ACAP1: variants seen among roughly 807,000 people sequenced by gnomAD.
The protein encoded by ACAP1 is ArfGAP with coiled-coil, ankyrin repeat and PH domains 1, also known as arf-GAP with coiled-coil, ANK repeat and PH domain-containing protein 1.
ACAP1 carries 45 observed loss-of-function variants against 98.8 expected under a neutral mutation model. The observed-to-expected ratio is 0.46, with a 90% CI of 0.36 to 0.58. The LOEUF (loss-of-function observed/expected upper bound fraction) is 0.58, where lower values mean the gene tolerates loss of function less well. ACAP1 is among the 20% of genes least tolerant of loss of function. ACAP1 has a pLI of 0.00. For synonymous variants in ACAP1, 362 were observed against 375.3 expected (o/e 0.96, Z 0.41); for missense variants, 735 against 971.4 (o/e 0.76, Z 3.24).
rs969238440 is a variant in ACAP1, at chr17:7,346,799, C to T, written c.1008-9C>T. On this transcript the variant is annotated splice_polypyrimidine_tract_variant and intron_variant, in intron 12 of 21. Coordinates refer to ENST00000158762, the MANE Select transcript of ACAP1 (RefSeq NM_014716.4). ...ACCCCTCTGCCATCTCCCTCACCCT[C>T]CTACCTAGGTCCTGCCTCCTCCAGG... 1.9e-6 allele frequency: 3 copies of T among 1,610,242 alleles called. No homozygotes were observed. The highest frequency in any genetic ancestry group is 2.2e-5 in the East Asian group (1 of 44,802).
intron 14 of ACAP1, 130 bp downstream of exon 14, chr17:7,347,372 C>G (rs2073357020): frequency 3.1e-6 from 3 of 977,642 alleles, no homozygotes; most frequent in Non-Finnish European, 4.4e-6. Context: ...GGCTTTGTCA[C>G]TGGGTACCAG....
At position 7,343,936 on chromosome 17, in the gene ACAP1, C is replaced by T; in HGVS notation, c.649C>T (p.Arg217Ter). 4 of 1,598,960 alleles carry T rather than the reference C, an allele frequency of 2.5e-6. No homozygotes were observed. Among genetic ancestry groups the T allele is most frequent in the Non-Finnish European group, 2.6e-6 (3 of 1,172,428 alleles). The change falls in exon 8 of 22, where the codon CGA becomes TGA. Residue 217 changes from arginine to a stop codon, truncating the protein, a stop_gained. Transcript: ENST00000158762. LOFTEE classifies it high-confidence loss of function. The surrounding 1 kb of genome is among the most constrained non-coding windows in gnomAD (Gnocchi z 4.9). ...HEELSRLSQY[R>*]KELGAQLHQL... ...GGAGCTGAGCCGGCTGTCCCAGTATCGAAAGGAGCTGGGCGCCCAGGTGGG... is the reference window on the plus strand; with the variant it reads ...GGAGCTGAGCCGGCTGTCCCAGTATTGAAAGGAGCTGGGCGCCCAGGTGGG...
chr17:7,342,562 T>C (rs1232668805), intron 5 of ACAP1, 88 bp downstream of exon 5: 1 of 1,430,740 alleles, frequency 7.0e-7, no homozygotes, highest in Non-Finnish European at 9.8e-7. Flanking sequence ...GCCCAGGAGT[T>C]GGACACCAAC....
At chr17:7,339,043 C>A (rs1021549787) in intron 2 of ACAP1, among the ~76,000 whole-genome samples, 5 of 151,870 alleles carry the variant, frequency 3.3e-5, no homozygotes, top group African/African-American at 4.8e-5. Flanking sequence ...GTAATCCCAG[C>A]ACTTTGGGAG....
Position 7,348,983 on chromosome 17 carries a change from TCCC to T in ACAP1, c.1679-9_1679-7del. 6.2e-7 allele frequency: 1 copy of T among 1,609,990 alleles called. No homozygotes were observed. Among genetic ancestry groups the T allele is most frequent in the South Asian group, 1.1e-5 (1 of 90,864 alleles). On this transcript the variant is annotated splice_polypyrimidine_tract_variant and intron_variant, in intron 17 of 21. Coordinates refer to ENST00000158762, the MANE Select transcript of ACAP1 (RefSeq NM_014716.4). ...GCTGCTTCCCCCTAACAGAACCAAA[TCCC>T]CCGAACAGAGCCCCCCTCTGAGGAC...
intron 1 of ACAP1, 73 bp from the exon 2 acceptor site, chr17:7,337,239 A>G: frequency 1.4e-6 from 2 of 1,448,250 alleles, no homozygotes; most frequent in Non-Finnish European, 1.9e-6. Flanking sequence ...CCGCCCTGCG[A>G]CTCCATCCCG....
At position 7,337,412 on chromosome 17, in the gene ACAP1, G is replaced by A. The variant is rs912834778; in HGVS notation, c.111+43G>A. On this transcript the variant is annotated intron_variant, in intron 2 of 21. Transcript: ENST00000158762. ...AGGTGACCCAGGAGTGGATTAGGTTGAGAGGGGTAGGGCCAGGGAGAAAGC... is the reference window on the plus strand; with the variant it reads ...AGGTGACCCAGGAGTGGATTAGGTTAAGAGGGGTAGGGCCAGGGAGAAAGC... 13 of 1,568,112 alleles carry A rather than the reference G, an allele frequency of 8.3e-6. No homozygotes were observed. In the East Asian group the frequency reaches 9.0e-5, roughly 11 times the overall value.
intron 17 of ACAP1, 110 bp downstream of exon 17, chr17:7,348,585 C>G: frequency 8.2e-7 from 1 of 1,224,324 alleles, no homozygotes; most frequent in Non-Finnish European, 1.1e-6. Context: ...TGGACAATGT[C>G]GGAGGGACCG....
intron 10 of ACAP1, among the ~76,000 whole-genome samples, chr17:7,345,114 CATT>C (rs1031376386): frequency 6.6e-6 from 1 of 151,958 alleles, no homozygotes; most frequent in Non-Finnish European, 1.5e-5. Flanking sequence ...GGGCATGAGT[CATT>C]ATAGGGCCCT....
chr17:7,343,368 C>A lies in ACAP1; in HGVS notation c.345-11C>A. ...GTTAGCTGCGATTCTGTGTTATTTT[C>A]CCATCCTCAGAGGTCTGCGGGGTTT... On this transcript the variant is annotated splice_polypyrimidine_tract_variant and intron_variant, in intron 5 of 21. Transcript: ENST00000158762. The surrounding 1 kb of genome is among the most constrained non-coding windows in gnomAD (Gnocchi z 4.9). The A allele has an allele frequency of 6.2e-7, 1 of 1,605,330 alleles. No individual in the cohort carries two copies. Among genetic ancestry groups the A allele is most frequent in the South Asian group, 1.1e-5 (1 of 90,462 alleles).
chr17:7,348,625 G>A, intron 17 of ACAP1, 150 bp downstream of exon 17: 1 of 881,650 alleles, frequency 1.1e-6, no homozygotes, highest in South Asian at 2.3e-5. Context: ...ACGGTGGAGT[G>A]TGACATTAAG....
Position 7,344,446 on chromosome 17 carries a change from A to T in ACAP1, c.745-93A>T. On this transcript the variant is annotated intron_variant, in intron 9 of 21. Transcript: ENST00000158762. The surrounding 1 kb of genome is among the most constrained non-coding windows in gnomAD (Gnocchi z 4.9). ...TTTTAAAAAGTATTTCAAAAAGCAG[A>T]AAGTAAGGGCTAGGGCTGTGGGCAG... is the stretch of plus-strand genomic sequence containing the variant. 1 of 912,780 alleles carries T rather than the reference A, an allele frequency of 1.1e-6. No homozygotes were observed. The allele number at this position is 912,780 out of a possible 1,614,324, so 56.5% of individuals were successfully genotyped here. A position where few individuals can be genotyped will look rare whatever the true frequency, so the allele number is the denominator to read the frequency against.
chr17:7,351,076 C>T, intron 21 of ACAP1, 77 bp downstream of exon 21: 1 of 1,412,188 alleles, frequency 7.1e-7, no homozygotes, highest in African/African-American at 1.4e-5. Context: ...ACCTCTCTCC[C>T]TAGTGCCCAG....
chr17:7,344,547 T>G lies in ACAP1; in HGVS notation c.753T>G (p.Gly251=). ...RHVLLKQKEL[G]GEEPEPSLRE... Reference sequence around the variant, plus strand: ...TCCTCTTGTGCCTCCAGGAGCTGGGTGGGGAGGAGCCAGAACCAAGCTTAA... The same window carrying G: ...TCCTCTTGTGCCTCCAGGAGCTGGGGGGGGAGGAGCCAGAACCAAGCTTAA... Residue 251 remains glycine, a synonymous_variant, in exon 10 of 22, where the codon GGT becomes GGG. Transcript: ENST00000158762. The surrounding 1 kb of genome is among the most constrained non-coding windows in gnomAD (Gnocchi z 4.9). The G allele has an allele frequency of 6.4e-7, 1 of 1,550,906 alleles. No homozygotes were observed. The highest frequency in any genetic ancestry group is 1.4e-5 in the African/African-American group (1 of 73,056).
At chr17:7,351,203 G>T in intron 21 of ACAP1, 92 bp from the exon 22 acceptor site, 1 of 1,219,528 alleles carries the variant, frequency 8.2e-7, no homozygotes, top group South Asian at 1.4e-5. Context: ...CCCAGGCTCG[G>T]AGCGCGAGGT....
chr17:7,349,058 A>G lies in ACAP1; in HGVS notation c.1742A>G (p.His581Arg). The change falls in exon 18 of 22, where the codon CAT (histidine) becomes CGT (arginine). Residue 581 changes from histidine (H) to arginine (R), a missense_variant. Physicochemically the swap from His to Arg is conservative, Grantham distance 29 (BLOSUM62 0). Transcript: ENST00000158762. Reference sequence around the variant, plus strand: ...GCCCTACTGTTTCGAGCGTCTGGGCATCCTCCATCTCTTCCCACCATGGCT... The same window carrying G: ...GCCCTACTGTTTCGAGCGTCTGGGCGTCCTCCATCTCTTCCCACCATGGCT... ...PGALLFRASG[H>R]PPSLPTMADA... is the part of the protein sequence containing the mutation. The G allele has an allele frequency of 1.9e-6, 3 of 1,614,008 alleles. No individual in the cohort carries two copies. The highest frequency in any genetic ancestry group is 1.7e-6 in the Non-Finnish European group (2 of 1,179,990).
Position 7,347,147 on chromosome 17 carries a change from C to T in ACAP1, c.1248C>T (p.Gly416=), listed in dbSNP as rs1301758808. The part of the protein sequence containing the change: ...HVVAQVQSVD[G]NAQCCDCREP... ...TGGCCCAGGTCCAGAGTGTGGATGG[C>T]AATGCCCAGTGCTGCGACTGCCGGG... is the stretch of plus-strand genomic sequence containing the variant. The change falls in exon 14 of 22, where the codon GGC becomes GGT. Residue 416 remains glycine (G), a synonymous_variant. Transcript: ENST00000158762. 1 of 1,613,952 alleles carries T rather than the reference C, an allele frequency of 6.2e-7. No individual in the cohort carries two copies. The highest frequency in any genetic ancestry group is 8.5e-7 in the Non-Finnish European group (1 of 1,179,968).
Position 7,350,350 on chromosome 17 carries a change from C to G in ACAP1, c.2072+113C>G. 2 of 862,264 alleles carry G rather than the reference C, an allele frequency of 2.3e-6. No homozygotes were observed. The highest frequency in any genetic ancestry group is 3.5e-6 in the Non-Finnish European group (2 of 564,714). 53.4% of individuals were successfully genotyped at this position (862,264 alleles called of 1,614,324 possible). A position where few individuals can be genotyped will look rare whatever the true frequency, so the allele number is the denominator to read the frequency against. On this transcript the variant is annotated intron_variant, in intron 20 of 21. Transcript: ENST00000158762. This position sits in a 1 kb window ranked among gnomAD's most constrained non-coding sequence, Gnocchi z 4.6. ...CGAAACAGAAGCCTGTGCTGTGGGG[C>G]CTCGGAAAGGGGCTGGGCCAGCGCC...
chr17:7,337,556 A>G (rs555710562), intron 2 of ACAP1, among the ~76,000 whole-genome samples, 187 bp downstream of exon 2: 1 of 152,242 alleles, frequency 6.6e-6, no homozygotes, highest in East Asian at 1.9e-4. Context: ...ATCTTGGAAA[A>G]CAAGACTTAC....
Sources: allele counts gnomAD v4.1 joint callset (sites outside exome capture counted in the v4.1 genomes callset), GRCh38; gene constraint gnomAD v4.1.1; non-coding constraint Gnocchi (gnomAD v3.1); transcripts MANE v1.5; gene names NCBI Gene and HGNC (gene_info 2026-07-23, HGNC 2026-07-21).